Variants in ANTXR1 observed in about 807,000 individuals in gnomAD.
The protein encoded by ANTXR1 is anthrax toxin receptor 1.
A neutral mutation model predicts 78.1 loss-of-function variants in ANTXR1; 19 were observed. The observed-to-expected ratio is 0.24, with a 90% confidence interval of 0.17 to 0.36. The LOEUF is 0.36. Among genes scored for constraint, ANTXR1 ranks in the 10% least tolerant of loss-of-function variants. The probability of loss-of-function intolerance (pLI) is 1.00; values close to 1 mark genes in which losing one functional copy is unlikely to be tolerated. For synonymous variants in ANTXR1, 273 were observed against 260.5 expected, an observed-to-expected ratio of 1.05 and a Z score of -0.46; for missense variants, 518 against 718.6, an observed-to-expected ratio of 0.72 and a Z score of 3.19.
At chr2:69,227,320 G>T (rs957408873) in intron 17 of ANTXR1, among the ~76,000 whole-genome samples, 1 of 152,102 alleles carries the variant, frequency 6.6e-6, no homozygotes, top group Middle Eastern at 3.2e-3. Context: ...CAGTCCAGAG[G>T]CTTCTGGGAG....
chr2:69,223,665 G>A (rs1675376372), intron 17 of ANTXR1, among the ~76,000 whole-genome samples: 1 of 152,266 alleles, frequency 6.6e-6, no homozygotes, highest in Non-Finnish European at 1.5e-5. Context: ...ACCCAAAAAT[G>A]TTCTAATTTT....
In ANTXR1 at chr2:69,095,463, G is replaced by C. The variant is rs57776041; in HGVS notation, c.703+4544G>C. On this transcript the variant is annotated intron_variant, in intron 9 of 17. Coordinates refer to ENST00000303714, the MANE Select transcript of ANTXR1 (RefSeq NM_032208.3). ...CTTACAGAGTAGTGAGAGCACTACT[G>C]AGATGCCTGTGCGATGAGGAAATAC... 3.0e-3 allele frequency among the ~76,000 whole-genome samples: 457 copies of C among 152,346 alleles called. 1 individual carries two copies. The highest frequency in any genetic ancestry group is 0.011 in the African/African-American group (437 of 41,566).
At chr2:69,235,234 G>A (rs1675726604) in intron 17 of ANTXR1, among the ~76,000 whole-genome samples, 1 of 151,864 alleles carries the variant, frequency 6.6e-6, no homozygotes, top group Admixed American at 6.6e-5. Context: ...TGTTGGTCAG[G>A]CTGGTCTCAA....
intron 12 of ANTXR1, among the ~76,000 whole-genome samples, chr2:69,126,012 G>A (rs1023253211): frequency 5.9e-5 from 9 of 152,112 alleles, no homozygotes; most frequent in Admixed American, 1.3e-4. Context: ...TCACTTCCTC[G>A]TTGGCCTTTG....
At chr2:69,192,176 G>A (rs116227679) in intron 16 of ANTXR1, among the ~76,000 whole-genome samples, 1,530 of 152,194 alleles carry the variant, frequency 0.01, 23 homozygotes, top group African/African-American at 0.035. Flanking sequence ...TCCTCTTGTC[G>A]CTGTAATGAA....
chr2:69,093,631 A>G (rs1026466560), intron 9 of ANTXR1, among the ~76,000 whole-genome samples: 1 of 152,240 alleles, frequency 6.6e-6, no homozygotes, highest in African/African-American at 2.4e-5. Context: ...GGAAAATACA[A>G]GAAACAAATA....
Position 69,248,211 on chromosome 2 carries a change from G to GTT in ANTXR1, c.*2736_*2737dup, listed in dbSNP as rs57223047. 1.2e-5 allele frequency: 2 copies of GTT among 160,172 alleles called. No individual in the cohort carries two copies. 9.9% of individuals were successfully genotyped at this position (160,172 alleles called of 1,614,324 possible). On this transcript the variant is annotated 3_prime_UTR_variant, in exon 18 of 18. Coordinates refer to ENST00000303714, the MANE Select transcript of ANTXR1 (RefSeq NM_032208.3). Reference sequence around the variant, plus strand: ...CCCCGTGTTATTGTCCTTTTGAACTGTTTTTTTTTTTATTAAAGCCAAATT... The same window carrying GTT: ...CCCCGTGTTATTGTCCTTTTGAACTGTTTTTTTTTTTTTATTAAAGCCAAATT...
chr2:69,046,653 T>C (rs1669778205), intron 3 of ANTXR1, among the ~76,000 whole-genome samples: 1 of 152,140 alleles, frequency 6.6e-6, no homozygotes, highest in Non-Finnish European at 1.5e-5. Context: ...CTCATCAGCC[T>C]ATGGAAGAAA....
intron 13 of ANTXR1, 31 bp downstream of exon 13, chr2:69,152,295 G>A (rs143794462): frequency 1.1e-5 from 17 of 1,602,426 alleles, no homozygotes; most frequent in East Asian, 6.7e-5. Flanking sequence ...GCCATGCAAG[G>A]TGAAGGGTGA....
At chr2:69,157,360 C>G (rs1035226157) in intron 13 of ANTXR1, among the ~76,000 whole-genome samples, 4 of 152,100 alleles carry the variant, frequency 2.6e-5, no homozygotes, top group Non-Finnish European at 4.4e-5. Context: ...CCCACAACTT[C>G]AACTACTTAA....
rs183306499 is a variant in ANTXR1 at position 69,047,821 on chromosome 2, C to T, written c.296+3008C>T. Among the ~76,000 whole-genome samples, 925 of 152,226 alleles carry T rather than the reference C, an allele frequency of 6.1e-3. 15 individuals carry two copies. The highest frequency in any genetic ancestry group is 5.0e-3 in the Non-Finnish European group (337 of 67,948). On this transcript the variant is annotated intron_variant, in intron 3 of 17. Coordinates refer to ENST00000303714, the MANE Select transcript of ANTXR1 (RefSeq NM_032208.3). Reference sequence around the variant, plus strand: ...CTTGGCTGCTGCTACTTCAATTTTACAGATAAGGACACTGAGGTTCAAAAA... The same window carrying T: ...CTTGGCTGCTGCTACTTCAATTTTATAGATAAGGACACTGAGGTTCAAAAA...
intron 1 of ANTXR1, among the ~76,000 whole-genome samples, chr2:69,017,517 T>C (rs55686875): frequency 0.052 from 7,881 of 152,284 alleles, 298 homozygotes; most frequent in Non-Finnish European, 0.073. Context: ...ATCTCTGGCC[T>C]GGAGGGAACC....
intron 1 of ANTXR1, among the ~76,000 whole-genome samples, chr2:69,028,724 A>T (rs1271230453): frequency 6.6e-6 from 1 of 152,208 alleles, no homozygotes. Flanking sequence ...TCAACAGACA[A>T]AACCAGTCTG....
At chr2:69,156,578 A>G (rs1424609580) in intron 13 of ANTXR1, among the ~76,000 whole-genome samples, 1 of 152,228 alleles carries the variant, frequency 6.6e-6, no homozygotes, top group Non-Finnish European at 1.5e-5. Context: ...CAGGAAGCAT[A>G]CTAGCTTCTG....
At chr2:69,038,672 A>G (rs1423649102) in intron 1 of ANTXR1, among the ~76,000 whole-genome samples, 1 of 152,344 alleles carries the variant, frequency 6.6e-6, no homozygotes, top group East Asian at 1.9e-4. Context: ...TTTCTCTAAC[A>G]GTGGAACAAT....
chr2:69,153,651 C>G (rs1475601363), intron 13 of ANTXR1, among the ~76,000 whole-genome samples: 2 of 152,154 alleles, frequency 1.3e-5, no homozygotes, highest in Non-Finnish European at 2.9e-5. Context: ...TGAGTCAGCC[C>G]AAGTGCTTTC....
intron 12 of ANTXR1, among the ~76,000 whole-genome samples, chr2:69,126,463 G>A (rs1211293391): frequency 6.6e-6 from 1 of 152,126 alleles, no homozygotes; most frequent in Non-Finnish European, 1.5e-5. Context: ...TGATCCTGTT[G>A]AAAATTGACC....
At chr2:69,224,711 AT>A (rs1420004595) in intron 17 of ANTXR1, among the ~76,000 whole-genome samples, 2 of 152,132 alleles carry the variant, frequency 1.3e-5, no homozygotes, top group Non-Finnish European at 2.9e-5. Context: ...AAACATGAAA[AT>A]CTGTGGCTCC....
rs367964055 is a variant in ANTXR1 at position 69,075,119 on chromosome 2, TGTG to T, written c.493-470_493-468del. 6.2e-3 allele frequency among the ~76,000 whole-genome samples: 941 copies of T among 152,296 alleles called. 10 individuals carry two copies. The highest frequency in any genetic ancestry group is 0.022 in the African/African-American group (897 of 41,552). On this transcript the variant is annotated intron_variant, in intron 6 of 17. Transcript: ENST00000303714. ...GAGTATCTACGTGGTTCTAGCCTTGTGTGAGGAGCTCTGTAAATGTTCTCATTT... is the reference window on the plus strand; with the variant it reads ...GAGTATCTACGTGGTTCTAGCCTTGTAGGAGCTCTGTAAATGTTCTCATTT...
Sources: gnomAD v4.1 joint callset for allele counts (sites outside exome capture counted in the v4.1 genomes callset) on GRCh38, gnomAD v4.1.1 for gene constraint, MANE v1.5 for transcripts, NCBI Gene and HGNC (gene_info 2026-07-23, HGNC 2026-07-21) for gene names.